Variants in EFCAB6 observed in about 807,000 individuals in gnomAD.
The protein encoded by EFCAB6 is EF-hand calcium binding domain 6, also known as EF-hand calcium-binding domain-containing protein 6.
Under a neutral mutation model 169.8 loss-of-function variants are expected in EFCAB6, and 156 were observed. The observed-to-expected ratio is 0.92, with a 90% CI of 0.81 to 1.05. EFCAB6 has a LOEUF of 1.05. EFCAB6 is among the 50% of genes least tolerant of loss of function. The pLI is 0.00. For synonymous variants in EFCAB6, 698 were observed against 676.4 expected (o/e 1.03, Z -0.50); for missense variants, 1,800 against 1,829.1 (o/e 0.98, Z 0.29).
intron 25 of EFCAB6, among the ~76,000 whole-genome samples, chr22:43,579,921 T>C (rs1251336319): frequency 6.6e-6 from 1 of 152,114 alleles, no homozygotes; most frequent in Admixed American, 6.5e-5. Context: ...CATCATTCCC[T>C]ACACGCAGGC....
At chr22:43,783,470 G>C (rs1398779170) in intron 2 of EFCAB6, among the ~76,000 whole-genome samples, 1 of 152,102 alleles carries the variant, frequency 6.6e-6, no homozygotes, top group African/African-American at 2.4e-5. Flanking sequence ...AGGAAATGAA[G>C]GCTAAGACAG....
At chr22:43,778,894 T>C (rs761805734) in intron 3 of EFCAB6, among the ~76,000 whole-genome samples, 3 of 152,164 alleles carry the variant, frequency 2.0e-5, no homozygotes, top group Admixed American at 6.5e-5. Flanking sequence ...GCATTACTTT[T>C]TTTTTTTAAT....
chr22:43,804,032 T>G (rs1381989679), intron 2 of EFCAB6, among the ~76,000 whole-genome samples: 1 of 152,160 alleles, frequency 6.6e-6, no homozygotes, highest in Non-Finnish European at 1.5e-5. Context: ...ATTCTTTTCA[T>G]CAGCACATGG....
At chr22:43,686,020 G>A (rs1041981743) in intron 11 of EFCAB6, among the ~76,000 whole-genome samples, 3 of 150,848 alleles carry the variant, frequency 2.0e-5, no homozygotes, top group Non-Finnish European at 4.4e-5. Context: ...TCCTCTTGTT[G>A]CCCAGGCTGG....
At chr22:43,704,362 G>C (rs1396120049) in intron 10 of EFCAB6, among the ~76,000 whole-genome samples, 1 of 152,120 alleles carries the variant, frequency 6.6e-6, no homozygotes, top group East Asian at 1.9e-4. Flanking sequence ...CACAGGAATT[G>C]CTAAAGAGAG....
chr22:43,762,746 C>A (rs1005764655), intron 5 of EFCAB6, among the ~76,000 whole-genome samples: 6 of 152,134 alleles, frequency 3.9e-5, no homozygotes, highest in Non-Finnish European at 7.4e-5. Context: ...ATTTATTAGA[C>A]AAGTTTCACA....
intron 23 of EFCAB6, among the ~76,000 whole-genome samples, chr22:43,599,015 G>T (rs2052277130): frequency 6.6e-6 from 1 of 152,190 alleles, no homozygotes; most frequent in Admixed American, 6.5e-5. Context: ...GGTACCTTCT[G>T]CACAGCATCT....
chr22:43,576,102 T>G (rs2147254874), intron 26 of EFCAB6, among the ~76,000 whole-genome samples, 195 bp downstream of exon 26: 1 of 152,232 alleles, frequency 6.6e-6, no homozygotes, highest in South Asian at 2.1e-4. Context: ...AATAAAAATT[T>G]CCAACAAAGT....
intron 17 of EFCAB6, among the ~76,000 whole-genome samples, chr22:43,639,027 C>T (rs550482297): frequency 1.4e-4 from 21 of 151,038 alleles, no homozygotes; most frequent in Admixed American, 5.3e-4. Flanking sequence ...TCAGGTGATC[C>T]GCCCACCTCG....
At chr22:43,612,900 A>G (rs1280653084) in intron 21 of EFCAB6, among the ~76,000 whole-genome samples, 1 of 127,602 alleles carries the variant, frequency 7.8e-6, no homozygotes, top group Non-Finnish European at 1.6e-5. Flanking sequence ...TCTCAATTAA[A>G]AAAAAAAAAA....
chr22:43,806,307 T>C (rs2062921280), intron 2 of EFCAB6, among the ~76,000 whole-genome samples: 1 of 151,822 alleles, frequency 6.6e-6, no homozygotes, highest in Admixed American at 6.6e-5. Flanking sequence ...TGGAATGCAG[T>C]GGTGCAATCT....
Position 43,607,040 on chromosome 22 carries a change from C to A in EFCAB6, c.2681+1442G>T, listed in dbSNP as rs558877692. Among the ~76,000 whole-genome samples, 11 of 152,278 alleles carry A rather than the reference C, an allele frequency of 7.2e-5. No homozygotes were observed. In the Middle Eastern group the frequency reaches 0.01, roughly 141 times the overall value. On this transcript the variant is annotated intron_variant, in intron 22 of 31. Transcript: ENST00000262726. Reference sequence around the variant, plus strand: ...CCATCCTGTCCCCTGAACTGACTCACCTTCCTAAACCGCAGCTCTGTTCAC... The same window carrying A: ...CCATCCTGTCCCCTGAACTGACTCAACTTCCTAAACCGCAGCTCTGTTCAC...
chr22:43,544,707 A>G (rs2047941381), intron 27 of EFCAB6, among the ~76,000 whole-genome samples: 1 of 151,974 alleles, frequency 6.6e-6, no homozygotes, highest in African/African-American at 2.4e-5. Context: ...TAAGATCCTA[A>G]TACCCTTCAA....
chr22:43,562,739 G>A (rs1270443397), intron 26 of EFCAB6, among the ~76,000 whole-genome samples: 1 of 95,532 alleles, frequency 1.0e-5, no homozygotes, highest in Non-Finnish European at 2.1e-5. Flanking sequence ...GAGGCAGCCC[G>A]GTGGGGGGTT....
intron 8 of EFCAB6, among the ~76,000 whole-genome samples, chr22:43,720,169 GAA>G (rs35389655): frequency 3.3e-4 from 50 of 151,174 alleles, no homozygotes; most frequent in Admixed American, 2.2e-3. Flanking sequence ...CAATAAAGAT[GAA>G]AAAAAAAATC....
chr22:43,619,135 G>A (rs2053951580), intron 20 of EFCAB6, among the ~76,000 whole-genome samples: 1 of 152,112 alleles, frequency 6.6e-6, no homozygotes, highest in South Asian at 2.1e-4. Flanking sequence ...TAAAGGTGTG[G>A]AACTGACCCC....
intron 20 of EFCAB6, among the ~76,000 whole-genome samples, chr22:43,618,656 A>C (rs537840560): frequency 9.2e-5 from 14 of 152,204 alleles, no homozygotes; most frequent in Non-Finnish European, 1.6e-4. Context: ...TGAACAGAAA[A>C]AGGTCCAAAA....
intron 12 of EFCAB6, 56 bp downstream of exon 12, chr22:43,683,691 G>A (rs2058087203): frequency 1.6e-6 from 2 of 1,265,984 alleles, no homozygotes; most frequent in Admixed American, 1.7e-5. Context: ...TGTTCTGAGT[G>A]TTTGCATTCT....
chr22:43,613,390 G>A (rs571323149), intron 21 of EFCAB6, among the ~76,000 whole-genome samples: 2 of 152,120 alleles, frequency 1.3e-5, no homozygotes, highest in African/African-American at 4.8e-5. Flanking sequence ...ACTGGATAAA[G>A]AAACTGTGGA....
Sources: allele counts gnomAD v4.1 joint callset (sites outside exome capture counted in the v4.1 genomes callset), GRCh38; gene constraint gnomAD v4.1.1; transcripts MANE v1.5; gene names NCBI Gene and HGNC (gene_info 2026-07-23, HGNC 2026-07-21).